CENPC: variants seen among roughly 807,000 people sequenced by gnomAD.
The protein encoded by CENPC is CENP-C 1.
Under a neutral mutation model 112.1 loss-of-function variants are expected in CENPC, and 63 were observed. The ratio of observed to expected loss-of-function variants is 0.56; its 90% CI spans 0.46 to 0.69. The LOEUF is 0.69. CENPC is among the 30% of genes least tolerant of loss of function. The probability of loss-of-function intolerance (pLI) is 0.00; values close to 1 mark genes in which losing one functional copy is unlikely to be tolerated. For synonymous variants in CENPC, 333 were observed against 367.6 expected, an observed-to-expected ratio of 0.91 and a Z score of 1.08; for missense variants, 1,000 against 1,103.8, an observed-to-expected ratio of 0.91 and a Z score of 1.33.
intron 12 of CENPC, among the ~76,000 whole-genome samples, chr4:67,497,377 T>TA (rs1300936411): frequency 2.6e-5 from 4 of 151,376 alleles, no homozygotes; most frequent in South Asian, 2.1e-4. Flanking sequence ...CACTCCGTCT[T>TA]AAAAAAAAAT....
chr4:67,485,157 T>G (rs888058947), intron 17 of CENPC, among the ~76,000 whole-genome samples: 10 of 152,140 alleles, frequency 6.6e-5, no homozygotes, highest in African/African-American at 1.9e-4. Context: ...AAAGGTCACA[T>G]GCTTAGGACA....
At chr4:67,483,245 C>T (rs923855158) in intron 17 of CENPC, among the ~76,000 whole-genome samples, 1 of 152,018 alleles carries the variant, frequency 6.6e-6, no homozygotes, top group South Asian at 2.1e-4. Context: ...GTAATCCCAG[C>T]TACTTGAGAG....
At chr4:67,489,588 A>G (rs1444996580) in intron 17 of CENPC, among the ~76,000 whole-genome samples, 7 of 152,086 alleles carry the variant, frequency 4.6e-5, no homozygotes, top group Non-Finnish European at 1.0e-4. Context: ...CTGGGATGTA[A>G]GTGATTTTTG....
intron 12 of CENPC, among the ~76,000 whole-genome samples, chr4:67,495,755 C>T (rs1725415052): frequency 6.6e-6 from 1 of 152,122 alleles, no homozygotes; most frequent in Admixed American, 6.6e-5. Context: ...AATTAATATG[C>T]TATTTATGAA....
At chr4:67,509,718 TTAG>T (rs201513907) in intron 9 of CENPC, among the ~76,000 whole-genome samples, 2,689 of 152,240 alleles carry the variant, frequency 0.018, 37 homozygotes, top group South Asian at 0.031. Context: ...CCTCCTGTCA[TTAG>T]TAGAAGTCCT....
chr4:67,537,385 A>G (rs1214090727), intron 4 of CENPC, among the ~76,000 whole-genome samples: 1 of 152,234 alleles, frequency 6.6e-6, no homozygotes, highest in East Asian at 1.9e-4. Context: ...GGCCAGGCAC[A>G]GTGCTCATGC....
intron 9 of CENPC, chr4:67,512,022 G>A (rs2109801719): frequency 6.2e-6 from 1 of 161,232 alleles, no homozygotes; most frequent in South Asian, 1.8e-4. Flanking sequence ...TTTTTTATGT[G>A]TAATAAACTA....
chr4:67,509,149 A>G, intron 9 of CENPC, 44 bp from the exon 10 acceptor site: 1 of 1,478,146 alleles, frequency 6.8e-7, no homozygotes, highest in Non-Finnish European at 9.1e-7. Context: ...GTTTGTCCAG[A>G]TGATTTGGCT....
intron 4 of CENPC, among the ~76,000 whole-genome samples, chr4:67,533,787 CAG>C: frequency 1.3e-5 from 2 of 152,192 alleles, no homozygotes; most frequent in South Asian, 2.1e-4. Flanking sequence ...CCTGTAATCC[CAG>C]CACTTTGGGA....
At chr4:67,486,806 T>A (rs978673297) in intron 17 of CENPC, among the ~76,000 whole-genome samples, 1 of 152,166 alleles carries the variant, frequency 6.6e-6, no homozygotes, top group African/African-American at 2.4e-5. Context: ...ATTTAATTTA[T>A]TGAAAACATT....
At chr4:67,488,580 T>C (rs1429573734) in intron 17 of CENPC, among the ~76,000 whole-genome samples, 2 of 152,016 alleles carry the variant, frequency 1.3e-5, no homozygotes, top group African/African-American at 4.8e-5. Context: ...TTCCTTTGAA[T>C]ATTAGCCAGA....
In CENPC at chr4:67,472,456, A is replaced by AT; in HGVS notation, c.*148_*149insA. On this transcript the variant is annotated 3_prime_UTR_variant, in exon 19 of 19. Transcript: ENST00000273853. ...AATCAGAAAAAACATGTGAGTTAGA[A>AT]ATGTTTATCAAATACAAGTCTACAG... 1.9e-6 allele frequency: 2 copies of AT among 1,059,124 alleles called. No homozygotes were observed. The highest frequency in any genetic ancestry group is 8.1e-5 in the South Asian group (2 of 24,622). The allele number at this position is 1,059,124 out of a possible 1,614,324, so 65.6% of individuals were successfully genotyped here.
At chr4:67,509,154 T>G (rs1436945178) in intron 9 of CENPC, 49 bp from the exon 10 acceptor site, 13 of 1,431,152 alleles carry the variant, frequency 9.1e-6, no homozygotes, top group Non-Finnish European at 1.2e-5. Context: ...TCCAGATGAT[T>G]TGGCTCACTG....
chr4:67,509,402 A>T (rs17554198), intron 9 of CENPC, among the ~76,000 whole-genome samples: 35,928 of 151,910 alleles, frequency 0.24, 4,585 homozygotes, highest in Non-Finnish European at 0.29. Flanking sequence ...GCCATCCTTA[A>T]TATCTGATAT....
chr4:67,538,673 T>C (rs1322957423), intron 4 of CENPC, among the ~76,000 whole-genome samples: 1 of 151,954 alleles, frequency 6.6e-6, no homozygotes, highest in Non-Finnish European at 1.5e-5. Flanking sequence ...TCTCAAGCAT[T>C]CAATCAAATA....
intron 14 of CENPC, 39 bp from the exon 15 acceptor site, chr4:67,493,036 G>C: frequency 6.8e-7 from 1 of 1,460,210 alleles, no homozygotes; most frequent in Non-Finnish European, 9.1e-7. Context: ...ACATGGGAAA[G>C]ACAAAATCTT....
intron 4 of CENPC, among the ~76,000 whole-genome samples, chr4:67,537,807 G>C (rs1726770952): frequency 6.6e-6 from 1 of 151,900 alleles, no homozygotes; most frequent in African/African-American, 2.4e-5. Flanking sequence ...CAGATAGATA[G>C]ATAGAGAAAT....
At chr4:67,541,140 A>G (rs886241007) in intron 2 of CENPC, 90 bp from the exon 3 acceptor site, 15 of 788,272 alleles carry the variant, frequency 1.9e-5, no homozygotes, top group African/African-American at 1.6e-4. Flanking sequence ...ATTATAAAAT[A>G]TAAATTTACT....
At chr4:67,522,738 G>T (rs1726262734) in intron 5 of CENPC, among the ~76,000 whole-genome samples, 1 of 152,196 alleles carries the variant, frequency 6.6e-6, no homozygotes, top group Non-Finnish European at 1.5e-5. Context: ...GGTGGCTCAT[G>T]CCTGTAATCC....
Sources: gnomAD v4.1 joint callset for allele counts (sites outside exome capture counted in the v4.1 genomes callset) on GRCh38, gnomAD v4.1.1 for gene constraint, MANE v1.5 for transcripts, NCBI Gene and HGNC (gene_info 2026-07-23, HGNC 2026-07-21) for gene names.